The following IRF2 variants were observed in gnomAD, a reference collection of about 807,000 sequenced individuals.
The protein encoded by IRF2 is interferon regulatory factor 2.
In IRF2, 15 loss-of-function variants were observed where a neutral mutation model predicts 40.6. The observed-to-expected ratio is 0.37, with a 90% CI of 0.25 to 0.57. IRF2 has a LOEUF of 0.57. Ranked by LOEUF, IRF2 falls within the 20% of genes least tolerant of loss-of-function variation. The pLI, the probability that IRF2 is intolerant of heterozygous loss-of-function variation, is 0.77. For synonymous variants in IRF2, 151 were observed against 165.5 expected (o/e 0.91, Z 0.67); for missense variants, 317 against 455.7 (o/e 0.70, Z 2.77).
chr4:184,435,574 C>T (rs190722953), intron 1 of IRF2, among the ~76,000 whole-genome samples: 2 of 152,178 alleles, frequency 1.3e-5, no homozygotes, highest in East Asian at 3.9e-4. Context: ...ATTAGGGGGG[C>T]AAGATCTAGG....
intron 1 of IRF2, among the ~76,000 whole-genome samples, chr4:184,464,379 G>A (rs1739250279): frequency 6.6e-6 from 1 of 151,932 alleles, no homozygotes; most frequent in South Asian, 2.1e-4. Flanking sequence ...CATGAAGGTA[G>A]GGAATGTATA....
intron 6 of IRF2, among the ~76,000 whole-genome samples, chr4:184,407,888 C>T (rs969816041): frequency 1.3e-5 from 2 of 152,116 alleles, no homozygotes; most frequent in Non-Finnish European, 2.9e-5. Context: ...AGACTGGGAT[C>T]GCTAGCCACG....
chr4:184,440,554 A>T (rs1165505586), intron 1 of IRF2, among the ~76,000 whole-genome samples: 1 of 152,230 alleles, frequency 6.6e-6, no homozygotes, highest in Non-Finnish European at 1.5e-5. Flanking sequence ...CACTGCAAAC[A>T]TTTGTGAGAG....
chr4:184,433,813 G>A (rs1415084708), intron 1 of IRF2, among the ~76,000 whole-genome samples: 8 of 152,266 alleles, frequency 5.3e-5, no homozygotes, highest in East Asian at 1.9e-4. Context: ...TTACCAGTGC[G>A]CTTGCCTCGC....
At position 184,388,849 on chromosome 4, in the gene IRF2, G is replaced by C. The variant is rs748372460; in HGVS notation, c.959C>G (p.Ala320Gly). Residue 320 changes from alanine to glycine, a missense_variant, in exon 9 of 9, where the codon GCA becomes GGA. Physicochemically the swap from Ala to Gly is moderately conservative, Grantham distance 60. Transcript: ENST00000393593. This position sits in a 1 kb window ranked among gnomAD's most constrained non-coding sequence, Gnocchi z 4.6. ...DLPLSSSMTP[A>G]SSSSRPDRET... ...CCGGTCTGGCCGACTGCTGCTGGAT[G>C]CTGGGGTCATGGAGGAAGAAAGGGG... is the stretch of plus-strand genomic sequence containing the variant. The C allele has an allele frequency of 6.2e-7, 1 of 1,614,132 alleles. No homozygotes were observed. Among genetic ancestry groups the C allele is most frequent in the Non-Finnish European group, 8.5e-7 (1 of 1,180,032 alleles).
rs373871809 is a variant in IRF2, at chr4:184,418,484, C to A, written c.364+48G>T. The A allele has an allele frequency of 1.2e-5, 18 of 1,546,968 alleles. No homozygotes were observed. In the South Asian group the frequency reaches 1.9e-4, roughly 16 times the overall value. On this transcript the variant is annotated intron_variant, in intron 4 of 8. Transcript: ENST00000393593. ...TAGAAATGAAGAGATCACGAAGGCA[C>A]GATGACACAAATTGATTTACCTTAT...
intron 2 of IRF2, among the ~76,000 whole-genome samples, chr4:184,425,241 A>G (rs1227293348): frequency 6.6e-6 from 1 of 152,268 alleles, no homozygotes; most frequent in Non-Finnish European, 1.5e-5. Flanking sequence ...CCCAGGCAGA[A>G]TGCTTGTGAA....
intron 1 of IRF2, among the ~76,000 whole-genome samples, chr4:184,437,115 G>A (rs118006699): frequency 6.6e-6 from 1 of 152,164 alleles, no homozygotes; most frequent in African/African-American, 2.4e-5. Flanking sequence ...GAGTATAGTC[G>A]TGCAATCTTG....
At chr4:184,390,578 A>G (rs756349148) in intron 8 of IRF2, 125 bp downstream of exon 8, 339 of 922,080 alleles carry the variant, frequency 3.7e-4, no homozygotes, top group Non-Finnish European at 5.3e-4. Context: ...TTCACCACAC[A>G]AGAAAATCCC....
intron 1 of IRF2, among the ~76,000 whole-genome samples, chr4:184,453,516 A>G (rs899326512): frequency 6.6e-6 from 1 of 151,784 alleles, no homozygotes; most frequent in Non-Finnish European, 1.5e-5. Flanking sequence ...TTTGCAGTAC[A>G]GGAGAAGTAA....
chr4:184,444,987 C>T lies in IRF2; in HGVS notation c.-6-15917G>A, dbSNP rs148788863. The stretch of plus-strand genomic sequence containing the variant: ...ACCATCAGGGCAATCAAGGACCACG[C>T]GCAAACTTCCAGGCCCTGCCGTACC... On this transcript the variant is annotated intron_variant, in intron 1 of 8. Coordinates refer to ENST00000393593, the MANE Select transcript of IRF2 (RefSeq NM_002199.4). Among the ~76,000 whole-genome samples, 113 of 152,320 alleles carry T rather than the reference C, an allele frequency of 7.4e-4. 2 individuals are homozygous for T. In the East Asian group the frequency reaches 8.7e-3, roughly 12 times the overall value.
Position 184,433,680 on chromosome 4 carries a change from T to C in IRF2, c.-6-4610A>G, listed in dbSNP as rs554198095. Among the ~76,000 whole-genome samples the C allele has an allele frequency of 9.2e-5, 14 of 152,266 alleles. No individual in the cohort carries two copies. In the South Asian group the frequency reaches 2.9e-3, roughly 32 times the overall value. ...GGGTTGGTTGGTTGGTTGGTTTGTT[T>C]GTAGCTAGGACATCTCCAATGAGAC... On this transcript the variant is annotated intron_variant, in intron 1 of 8. Transcript: ENST00000393593.
Position 184,474,341 on chromosome 4 carries a change from AACAC to A in IRF2, c.-7+34_-7+37del, listed in dbSNP as rs1476352735. 1 of 152,634 alleles carries A rather than the reference AACAC, an allele frequency of 6.6e-6. No individual in the cohort carries two copies. The allele number at this position is 152,634 out of a possible 1,614,324, so 9.5% of individuals were successfully genotyped here. ...TCCCCAGAAACATGCCCTCGAGAGA[AACAC>A]ACACAGTCACAACTATTATTTGAAA... is the stretch of plus-strand genomic sequence containing the variant. On this transcript the variant is annotated intron_variant, in intron 1 of 8. Coordinates refer to ENST00000393593, the MANE Select transcript of IRF2 (RefSeq NM_002199.4). This position sits in a 1 kb window ranked among gnomAD's most constrained non-coding sequence, Gnocchi z 5.6.
intron 7 of IRF2, among the ~76,000 whole-genome samples, chr4:184,395,435 A>AAT: frequency 6.7e-6 from 1 of 149,492 alleles, no homozygotes; most frequent in Admixed American, 6.6e-5. Context: ...AAAAAAAAAA[A>AAT]GGTGGTCAGA....
intron 6 of IRF2, among the ~76,000 whole-genome samples, chr4:184,404,662 G>A (rs935217733): frequency 6.6e-6 from 1 of 152,170 alleles, no homozygotes; most frequent in East Asian, 1.9e-4. Flanking sequence ...CACGCCTTTT[G>A]ACTTCTAATC....
chr4:184,429,069 C>A lies in IRF2; in HGVS notation c.-5G>T. ...GCGCATCCTTTCCACCGGCATGGTG[C>A]CCTTGAGGGAGAGAAACACAGCGTC... On this transcript the variant is annotated splice_region_variant and 5_prime_UTR_variant, in exon 2 of 9. Transcript: ENST00000393593. 6.2e-7 allele frequency: 1 copy of A among 1,613,556 alleles called. No homozygotes were observed. The highest frequency in any genetic ancestry group is 8.5e-7 in the Non-Finnish European group (1 of 1,179,524).
At chr4:184,440,914 C>T (rs555868251) in intron 1 of IRF2, among the ~76,000 whole-genome samples, 1 of 152,228 alleles carries the variant, frequency 6.6e-6, no homozygotes, top group South Asian at 2.1e-4. Flanking sequence ...CTCTGGGATA[C>T]CCAAAAAGAG....
intron 8 of IRF2, 96 bp from the exon 9 acceptor site, chr4:184,389,162 G>A: frequency 8.2e-7 from 1 of 1,221,192 alleles, no homozygotes; most frequent in East Asian, 2.3e-5. Context: ...GCTCATGCCT[G>A]TAATCCCAGC....
intron 7 of IRF2, among the ~76,000 whole-genome samples, chr4:184,393,214 T>C (rs575388170): frequency 1.3e-5 from 2 of 152,334 alleles, no homozygotes; most frequent in South Asian, 4.1e-4. Context: ...ACTGTACTTC[T>C]GATTCCAGGG....
Sources: allele counts gnomAD v4.1 joint callset (sites outside exome capture counted in the v4.1 genomes callset), GRCh38; gene constraint gnomAD v4.1.1; non-coding constraint Gnocchi (gnomAD v3.1); transcripts MANE v1.5; gene names NCBI Gene and HGNC (gene_info 2026-07-23, HGNC 2026-07-21).